PRKN: variants seen among roughly 807,000 people sequenced by gnomAD.
The protein encoded by PRKN is E3 ubiquitin-protein ligase parkin.
Under a neutral mutation model 59.5 loss-of-function variants are expected in PRKN, and 56 were observed. The ratio of observed to expected loss-of-function variants is 0.94; its 90% CI spans 0.76 to 1.18. The LOEUF is 1.18. Among genes scored for constraint, PRKN ranks in the 50% most tolerant of loss-of-function variants. PRKN has a pLI of 0.00. For synonymous variants in PRKN, 250 were observed against 222.1 expected (o/e 1.13, Z -1.12); for missense variants, 657 against 596.4 (o/e 1.10, Z -1.06).
At chr6:161,956,334 A>G (rs995414990) in intron 6 of PRKN, among the ~76,000 whole-genome samples, 2 of 152,190 alleles carry the variant, frequency 1.3e-5, no homozygotes, top group African/African-American at 4.8e-5. Flanking sequence ...TCAAGGGCAA[A>G]TCAATCTATG....
chr6:162,212,055 T>A (rs1170433915), intron 3 of PRKN, among the ~76,000 whole-genome samples: 1 of 152,220 alleles, frequency 6.6e-6, no homozygotes, highest in African/African-American at 2.4e-5. Flanking sequence ...TAACTCCAGC[T>A]GAAACACTCT....
intron 2 of PRKN, among the ~76,000 whole-genome samples, chr6:162,297,537 G>GCA (rs1781738182): frequency 6.6e-6 from 1 of 152,018 alleles, no homozygotes; most frequent in Non-Finnish European, 1.5e-5. Flanking sequence ...GAATTAGGAG[G>GCA]CATACAGTGT....
chr6:161,723,138 A>G (rs62439167), intron 7 of PRKN, among the ~76,000 whole-genome samples: 71,168 of 151,080 alleles, frequency 0.47, 18,289 homozygotes, highest in African/African-American at 0.69. Flanking sequence ...TGTGGAGGTG[A>G]GTGCCTGTAA....
chr6:161,573,411 A>C (rs1056320619), intron 7 of PRKN, among the ~76,000 whole-genome samples: 5 of 152,182 alleles, frequency 3.3e-5, no homozygotes, highest in Admixed American at 3.3e-4. Flanking sequence ...CACATTGAAG[A>C]CATATTGTCT....
chr6:162,262,782 T>TTAAAAA lies in PRKN; in HGVS notation c.172-18_172-17insTTTTTA. 2 of 1,360,312 alleles carry TTAAAAA rather than the reference T, an allele frequency of 1.5e-6. No individual in the cohort carries two copies. Among genetic ancestry groups the TTAAAAA allele is most frequent in the South Asian group, 1.4e-5 (1 of 71,364 alleles). 84.3% of individuals were successfully genotyped at this position (1,360,312 alleles called of 1,614,324 possible). On this transcript the variant is annotated splice_polypyrimidine_tract_variant and intron_variant, in intron 2 of 11. Coordinates refer to ENST00000366898, the MANE Select transcript of PRKN (RefSeq NM_004562.3). ...GTCACAATTCTGTTTGGGAGCAAGG[T>TTAAAAA]AAAAAAAAAAAAAAAAAAAAAGGAA...
intron 2 of PRKN, among the ~76,000 whole-genome samples, chr6:162,324,989 T>G (rs1040129770): frequency 1.3e-5 from 2 of 152,086 alleles, no homozygotes; most frequent in Non-Finnish European, 2.9e-5. Context: ...GATTTCCCAG[T>G]AATTTAATTT....
intron 3 of PRKN, among the ~76,000 whole-genome samples, chr6:162,223,652 CACACACACA>C (rs199625738): frequency 0.1 from 10,978 of 108,544 alleles, 775 homozygotes; most frequent in East Asian, 0.49. Context: ...CACACACACA[CACACACACA>C]AACATAATGC....
chr6:162,145,829 T>C (rs1348293643), intron 4 of PRKN, among the ~76,000 whole-genome samples: 1 of 152,134 alleles, frequency 6.6e-6, no homozygotes. Context: ...AAACATCTGA[T>C]GGGCGGCGAA....
Position 161,395,602 on chromosome 6 carries a change from A to G in PRKN, c.1084-8725T>C, listed in dbSNP as rs759529669. Among the ~76,000 whole-genome samples, 2 of 152,188 alleles carry G rather than the reference A, an allele frequency of 1.3e-5. No homozygotes were observed. Among genetic ancestry groups the G allele is most frequent in the Admixed American group, 6.5e-5 (1 of 15,278 alleles). On this transcript the variant is annotated intron_variant, in intron 9 of 11. Transcript: ENST00000366898. This position sits in a 1 kb window ranked among gnomAD's most constrained non-coding sequence, Gnocchi z 5.0. ...AAGGTGGGTGGAAGCTGCTTCCCCA[A>G]CACGCTGTGGTCTCAACCACCGCCT... is the stretch of plus-strand genomic sequence containing the variant.
At chr6:162,040,563 TG>T (rs1784027903) in intron 5 of PRKN, among the ~76,000 whole-genome samples, 1 of 143,836 alleles carries the variant, frequency 7.0e-6, no homozygotes, top group Non-Finnish European at 1.5e-5. Flanking sequence ...CCCACCACCA[TG>T]CCCGGCTATT....
intron 6 of PRKN, among the ~76,000 whole-genome samples, chr6:161,829,116 C>T (rs571940823): frequency 6.6e-6 from 1 of 152,172 alleles, no homozygotes; most frequent in African/African-American, 2.4e-5. Context: ...ATCCCAGCTA[C>T]TTGGGAGGCT....
intron 3 of PRKN, among the ~76,000 whole-genome samples, chr6:162,210,291 G>T (rs77670319): frequency 6.6e-6 from 1 of 151,882 alleles, no homozygotes; most frequent in Non-Finnish European, 1.5e-5. Flanking sequence ...ATCTAACTCA[G>T]TAGACTGTGG....
chr6:162,151,949 A>G (rs1165946167), intron 4 of PRKN, among the ~76,000 whole-genome samples: 1 of 152,194 alleles, frequency 6.6e-6, no homozygotes, highest in Non-Finnish European at 1.5e-5. Flanking sequence ...GAAAAACATT[A>G]TTTAGCAAAA....
rs184366647 is a variant in PRKN, at chr6:162,124,427, T to C, written c.535-70253A>G. 2.6e-5 allele frequency among the ~76,000 whole-genome samples: 4 copies of C among 152,294 alleles called. No homozygotes were observed. The East Asian group carries it at 7.7e-4, about 29-fold the overall frequency. On this transcript the variant is annotated intron_variant, in intron 4 of 11. Transcript: ENST00000366898. ...CAGTGAGGTTGGGAGTTCACTACACTACATTAAGTACAAAGTTGTAAAGAG... is the reference window on the plus strand; with the variant it reads ...CAGTGAGGTTGGGAGTTCACTACACCACATTAAGTACAAAGTTGTAAAGAG...
intron 4 of PRKN, among the ~76,000 whole-genome samples, chr6:162,076,828 A>G (rs1460373943): frequency 6.6e-6 from 1 of 152,190 alleles, no homozygotes; most frequent in Non-Finnish European, 1.5e-5. Flanking sequence ...TGAAGTGGAA[A>G]AGATTGTTGC....
intron 2 of PRKN, among the ~76,000 whole-genome samples, chr6:162,375,317 A>AT (rs1481193602): frequency 1.3e-5 from 2 of 151,962 alleles, no homozygotes; most frequent in East Asian, 1.9e-4. Flanking sequence ...TCAAGCTGGT[A>AT]TTTTTTCAAG....
At chr6:162,631,390 G>A (rs1449189290) in intron 1 of PRKN, among the ~76,000 whole-genome samples, 1 of 152,086 alleles carries the variant, frequency 6.6e-6, no homozygotes, top group Non-Finnish European at 1.5e-5. Flanking sequence ...TACTAACTCT[G>A]CGTTCTGCCT....
intron 2 of PRKN, among the ~76,000 whole-genome samples, chr6:162,384,122 T>C (rs943384967): frequency 2.0e-5 from 3 of 152,198 alleles, no homozygotes; most frequent in Non-Finnish European, 4.4e-5. Flanking sequence ...TATTTATGTG[T>C]TCACTGGAGT....
chr6:162,569,500 C>T, intron 1 of PRKN: 1 of 694,244 alleles, frequency 1.4e-6, no homozygotes, highest in South Asian at 1.4e-5. Flanking sequence ...GGATGCAGAA[C>T]ATGAGTATCC....
Sources: allele counts gnomAD v4.1 joint callset (sites outside exome capture counted in the v4.1 genomes callset), GRCh38; gene constraint gnomAD v4.1.1; non-coding constraint Gnocchi (gnomAD v3.1); transcripts MANE v1.5; gene names NCBI Gene and HGNC (gene_info 2026-07-23, HGNC 2026-07-21).